Variants in RER1 observed in about 807,000 individuals in gnomAD.
The protein encoded by RER1 is protein RER1.
Under a neutral mutation model 28.3 loss-of-function variants are expected in RER1, and 6 were observed. That is an observed-to-expected ratio of 0.21 (90% CI 0.12 to 0.42). The LOEUF is 0.42. Among genes scored for constraint, RER1 ranks in the 10% least tolerant of loss-of-function variants. The probability of loss-of-function intolerance (pLI) is 1.00; values close to 1 mark genes in which losing one functional copy is unlikely to be tolerated. For missense variants in RER1, 159 were observed against 252.9 expected, an observed-to-expected ratio of 0.63 and a Z score of 2.52; for synonymous variants, 110 against 95.9, an observed-to-expected ratio of 1.15 and a Z score of -0.86.
chr1:2,399,879 G>A (rs920740380), intron 4 of RER1, among the ~76,000 whole-genome samples: 1 of 152,204 alleles, frequency 6.6e-6, no homozygotes. Flanking sequence ...CAGCCATGAC[G>A]AGGTTACCTT....
At chr1:2,400,102 C>A (rs1642824227) in intron 4 of RER1, among the ~76,000 whole-genome samples, 1 of 152,230 alleles carries the variant, frequency 6.6e-6, no homozygotes, top group African/African-American at 2.4e-5. Context: ...GCCCTGAGTT[C>A]ATGCCTGACT....
Position 2,402,146 on chromosome 1 carries a change from G to A in RER1, c.366-61G>A, listed in dbSNP as rs767391451. The A allele has an allele frequency of 1.2e-5, 20 of 1,613,818 alleles. No individual in the cohort carries two copies. In the South Asian group the frequency reaches 1.8e-4, roughly 14 times the overall value. On this transcript the variant is annotated intron_variant, in intron 5 of 6. Coordinates refer to ENST00000605895, the MANE Select transcript of RER1 (RefSeq NM_007033.5). Reference sequence around the variant, plus strand: ...TCGGTGCAGCTGCAAGGCTGGAGGCGGCCGGCAGGTGCCCGGTGCTGGCTG... The same window carrying A: ...TCGGTGCAGCTGCAAGGCTGGAGGCAGCCGGCAGGTGCCCGGTGCTGGCTG...
intron 4 of RER1, 94 bp downstream of exon 4, chr1:2,399,608 C>A: frequency 1.3e-6 from 1 of 778,134 alleles, no homozygotes. Flanking sequence ...ACCCGAGACT[C>A]TTCTCTTGGG....
intron 3 of RER1, among the ~76,000 whole-genome samples, chr1:2,397,717 G>A (rs1181819244): frequency 3.9e-5 from 6 of 152,222 alleles, no homozygotes; most frequent in African/African-American, 2.4e-5. Context: ...GTGACCGAAG[G>A]GGGTCTTGAG....
intron 5 of RER1, 178 bp from the exon 6 acceptor site, chr1:2,402,029 A>T: frequency 6.5e-7 from 1 of 1,544,176 alleles, no homozygotes; most frequent in Non-Finnish European, 8.8e-7. Context: ...AGGGCAGTAC[A>T]TGTCTGTGAG....
chr1:2,399,880 A>G (rs932236145), intron 4 of RER1, among the ~76,000 whole-genome samples: 2 of 152,140 alleles, frequency 1.3e-5, no homozygotes, highest in Non-Finnish European at 2.9e-5. Flanking sequence ...AGCCATGACG[A>G]GGTTACCTTT....
chr1:2,401,284 T>C (rs1570083794), intron 5 of RER1, among the ~76,000 whole-genome samples: 1 of 69,552 alleles, frequency 1.4e-5, no homozygotes, highest in African/African-American at 5.6e-5. Flanking sequence ...TCCTCCCTCC[T>C]CCTTCCTCCC....
At chr1:2,396,969 T>TA (rs1289906105) in intron 2 of RER1, 147 bp from the exon 3 acceptor site, 1 of 578,806 alleles carries the variant, frequency 1.7e-6, no homozygotes, top group East Asian at 2.8e-5. Context: ...TTTGTGCTGA[T>TA]ACATAGATGA....
chr1:2,394,137 G>A (rs1355770497), intron 1 of RER1: 2 of 152,230 alleles, frequency 1.3e-5, no homozygotes, highest in Non-Finnish European at 1.5e-5. Flanking sequence ...ACACATTTTA[G>A]TGTAGCCTCT....
chr1:2,404,660 A>T lies in RER1; in HGVS notation c.*1536A>T, dbSNP rs1388057655. ...GGTCATCCTCATTCCTAAGTAAGTC[A>T]AACAGCAAGACATGGTTTGCGCGGG... On this transcript the variant is annotated 3_prime_UTR_variant, in exon 7 of 7. Transcript: ENST00000605895. 1 of 152,244 alleles carries T rather than the reference A, an allele frequency of 6.6e-6. No individual in the cohort carries two copies. The highest frequency in any genetic ancestry group is 1.5e-5 in the Non-Finnish European group (1 of 68,042). 9.4% of individuals were successfully genotyped at this position (152,244 alleles called of 1,614,324 possible). A position where few individuals can be genotyped will look rare whatever the true frequency, so the allele number is the denominator to read the frequency against.
rs1570088493 is a variant in RER1, at chr1:2,403,108, A to G, written c.575A>G (p.Lys192Arg). The change falls in exon 7 of 7, where the codon AAG becomes AGG. Residue 192 changes from lysine (K) to arginine (R), a missense_variant. Physicochemically the swap from Lys to Arg is conservative, Grantham distance 26. Transcript: ENST00000605895. Reference protein sequence around the residue: ...RRYRGKEDAGKAFAS With the variant: ...RRYRGKEDAGRAFAS ...TACAGAGGCAAGGAGGATGCCGGCA[A>G]GGCCTTCGCCAGCTAGAAGCGGGAC... The G allele has an allele frequency of 1.2e-6, 2 of 1,614,070 alleles. No homozygotes were observed. Among genetic ancestry groups the G allele is most frequent in the Non-Finnish European group, 1.7e-6 (2 of 1,179,940 alleles).
intron 6 of RER1, 44 bp downstream of exon 6, chr1:2,402,386 C>T (rs537096528): frequency 6.2e-5 from 100 of 1,612,068 alleles, no homozygotes; most frequent in South Asian, 1.8e-4. Flanking sequence ...AATCGCTGTT[C>T]TGTTACCCGC....
At chr1:2,401,863 G>A (rs370301897) in intron 5 of RER1, 2 of 646,474 alleles carry the variant, frequency 3.1e-6, no homozygotes. Context: ...GAAGGCCCTG[G>A]ATGGTCCACA....
At chr1:2,395,482 A>C (rs1171123550) in intron 1 of RER1, 2 of 385,020 alleles carry the variant, frequency 5.2e-6, no homozygotes, top group Non-Finnish European at 9.8e-6. Flanking sequence ...ATGGCCAGCA[A>C]GGCTGCTCCT....
intron 4 of RER1, among the ~76,000 whole-genome samples, chr1:2,400,271 G>A (rs1642826644): frequency 6.6e-6 from 1 of 152,268 alleles, no homozygotes; most frequent in Admixed American, 6.5e-5. Context: ...AAGCCTGTGA[G>A]TCTTCTGTGT....
At position 2,404,675 on chromosome 1, in the gene RER1, G is replaced by A. The variant is rs1557906571; in HGVS notation, c.*1551G>A. 1 of 152,270 alleles carries A rather than the reference G, an allele frequency of 6.6e-6. No individual in the cohort carries two copies. Among genetic ancestry groups the A allele is most frequent in the Non-Finnish European group, 1.5e-5 (1 of 68,052 alleles). The allele number at this position is 152,270 out of a possible 1,614,324, so 9.4% of individuals were successfully genotyped here. On this transcript the variant is annotated 3_prime_UTR_variant, in exon 7 of 7. Transcript: ENST00000605895. ...TAAGTAAGTCAAACAGCAAGACATG[G>A]TTTGCGCGGGTCTTTGCCGGAAGCC...
At chr1:2,397,922 G>A (rs1252112271) in intron 3 of RER1, among the ~76,000 whole-genome samples, 1 of 152,174 alleles carries the variant, frequency 6.6e-6, no homozygotes, top group Non-Finnish European at 1.5e-5. Context: ...CCTTGTCTGG[G>A]CTATTTTCTC....
chr1:2,392,203 C>CG (rs1183797197), intron 1 of RER1, among the ~76,000 whole-genome samples: 2 of 136,488 alleles, frequency 1.5e-5, no homozygotes, highest in African/African-American at 2.7e-5. Context: ...CTGCGAGGGT[C>CG]GGGGGAGCGG....
At chr1:2,398,623 A>T (rs1396863674) in intron 3 of RER1, among the ~76,000 whole-genome samples, 3 of 152,238 alleles carry the variant, frequency 2.0e-5, no homozygotes, top group African/African-American at 7.2e-5. Context: ...TCCTGACCTC[A>T]GGTGATCCAC....
Sources: allele counts gnomAD v4.1 joint callset (sites outside exome capture counted in the v4.1 genomes callset), GRCh38; gene constraint gnomAD v4.1.1; transcripts MANE v1.5; gene names NCBI Gene and HGNC (gene_info 2026-07-23, HGNC 2026-07-21).